The following TENT4B variants were observed in gnomAD, a reference collection of about 807,000 sequenced individuals.
The protein encoded by TENT4B is terminal nucleotidyltransferase 4B, also known as PAP associated domain containing 5.
Under a neutral mutation model 75.0 loss-of-function variants are expected in TENT4B, and 10 were observed. The observed-to-expected ratio is 0.13, with a 90% CI of 0.08 to 0.23. TENT4B has a LOEUF of 0.23. Ranked by LOEUF, TENT4B falls within the 10% of genes least tolerant of loss-of-function variation. TENT4B has a pLI of 1.00. For synonymous variants in TENT4B, 350 were observed against 357.7 expected, an observed-to-expected ratio of 0.98 and a Z score of 0.24; for missense variants, 579 against 893.8, an observed-to-expected ratio of 0.65 and a Z score of 4.49.
intron 1 of TENT4B, among the ~76,000 whole-genome samples, chr16:50,158,421 C>G (rs1027585395): frequency 6.6e-6 from 1 of 152,160 alleles, no homozygotes; most frequent in East Asian, 1.9e-4. Flanking sequence ...TCCACTGATT[C>G]TCTTGGGCTT....
At chr16:50,159,868 CTAACT>C (rs1241141451) in intron 1 of TENT4B, among the ~76,000 whole-genome samples, 2 of 152,102 alleles carry the variant, frequency 1.3e-5, no homozygotes, top group Non-Finnish European at 2.9e-5. Flanking sequence ...CTGTGTTCAA[CTAACT>C]TAACTTTCTT....
rs1043963738 is a variant in TENT4B at position 50,154,282 on chromosome 16, G to A, written c.638+23G>A. On this transcript the variant is annotated intron_variant, in intron 1 of 11. Transcript: ENST00000561678. ...GGGGTGAGTGCTGGCTCTGCGGCCC[G>A]ATGGCCTGGCCGGTGCGAATGCGCA... The A allele has an allele frequency of 1.5e-5, 21 of 1,395,386 alleles. No homozygotes were observed. The Admixed American group carries it at 4.2e-4, about 28-fold the overall frequency. The allele number at this position is 1,395,386 out of a possible 1,614,324, so 86.4% of individuals were successfully genotyped here. A position where few individuals can be genotyped will look rare whatever the true frequency, so the allele number is the denominator to read the frequency against.
intron 1 of TENT4B, among the ~76,000 whole-genome samples, chr16:50,186,850 G>T (rs1017167925): frequency 1.3e-5 from 2 of 152,030 alleles, no homozygotes; most frequent in African/African-American, 4.8e-5. Context: ...AAAGTGCTAG[G>T]ATTGTAGGCG....
chr16:50,154,932 T>A (rs543705424), intron 1 of TENT4B, among the ~76,000 whole-genome samples: 6 of 152,304 alleles, frequency 3.9e-5, no homozygotes, highest in African/African-American at 1.2e-4. Flanking sequence ...AAGTTTAGGC[T>A]GGTGAAGGTG....
chr16:50,190,369 A>T (rs938149532), intron 1 of TENT4B, among the ~76,000 whole-genome samples: 8 of 151,994 alleles, frequency 5.3e-5, no homozygotes, highest in South Asian at 2.1e-4. Context: ...CAATTCAGTG[A>T]CATTAAGTAC....
chr16:50,181,833 G>A (rs1012847963), intron 1 of TENT4B, among the ~76,000 whole-genome samples: 4 of 152,080 alleles, frequency 2.6e-5, no homozygotes, highest in African/African-American at 4.8e-5. Flanking sequence ...GAGATGAGGT[G>A]GGTACTCAGG....
In TENT4B at chr16:50,233,909, A is replaced by G; in HGVS notation, c.*4581A>G. The G allele has an allele frequency of 1.0e-6, 1 of 985,464 alleles. No individual in the cohort carries two copies. Among genetic ancestry groups the G allele is most frequent in the Non-Finnish European group, 1.2e-6 (1 of 829,942 alleles). 61.0% of individuals were successfully genotyped at this position (985,464 alleles called of 1,614,324 possible). Reference sequence around the variant, plus strand: ...AAGAACAGCTAATGATGTGGAAATCAGGTGTTCTCTTGTGTATTTCAGTGA... The same window carrying G: ...AAGAACAGCTAATGATGTGGAAATCGGGTGTTCTCTTGTGTATTTCAGTGA... On this transcript the variant is annotated 3_prime_UTR_variant, in exon 12 of 12. Transcript: ENST00000561678.
At chr16:50,228,140 C>G in intron 11 of TENT4B, 137 bp downstream of exon 11, 1 of 1,080,434 alleles carries the variant, frequency 9.3e-7, no homozygotes, top group Non-Finnish European at 1.3e-6. Context: ...TAAGAGGTTC[C>G]AACACATGAC....
At chr16:50,166,209 C>T (rs2038097211) in intron 1 of TENT4B, among the ~76,000 whole-genome samples, 2 of 151,898 alleles carry the variant, frequency 1.3e-5, no homozygotes, top group East Asian at 1.9e-4. Context: ...CTCAGCCTCC[C>T]GAGTAGCTGG....
intron 1 of TENT4B, among the ~76,000 whole-genome samples, chr16:50,193,948 G>A (rs368371689): frequency 3.3e-5 from 5 of 152,304 alleles, no homozygotes; most frequent in African/African-American, 9.6e-5. Context: ...GAGCTGTGGA[G>A]TGGGCATTAA....
intron 1 of TENT4B, among the ~76,000 whole-genome samples, chr16:50,170,755 C>T (rs1177938984): frequency 2.6e-5 from 4 of 152,034 alleles, no homozygotes; most frequent in Non-Finnish European, 5.9e-5. Context: ...CAACCTCCAC[C>T]TCCTGGGTTC....
intron 1 of TENT4B, among the ~76,000 whole-genome samples, chr16:50,172,640 G>A (rs1048779809): frequency 6.6e-6 from 1 of 151,728 alleles, no homozygotes; most frequent in African/African-American, 2.4e-5. Flanking sequence ...CAACTGAAGA[G>A]CCAAATATTG....
intron 11 of TENT4B, 130 bp from the exon 12 acceptor site, chr16:50,229,022 C>T: frequency 6.7e-7 from 1 of 1,484,346 alleles, no homozygotes; most frequent in Non-Finnish European, 8.9e-7. Flanking sequence ...CTAGATAAGT[C>T]AGTGATCAGT....
At chr16:50,197,362 C>T (rs1386602372) in intron 1 of TENT4B, among the ~76,000 whole-genome samples, 1 of 152,176 alleles carries the variant, frequency 6.6e-6, no homozygotes, top group African/African-American at 2.4e-5. Flanking sequence ...AAGCACAGCT[C>T]ACTGCAACCT....
intron 1 of TENT4B, among the ~76,000 whole-genome samples, chr16:50,184,510 A>C (rs1481415494): frequency 2.0e-5 from 3 of 151,932 alleles, no homozygotes; most frequent in Non-Finnish European, 4.4e-5. Flanking sequence ...CTACTAAAAA[A>C]CAAAAAATTA....
upstream of TENT4B, chr16:50,153,059 G>A (rs569622099): frequency 1.0e-5 from 15 of 1,466,564 alleles, no homozygotes; most frequent in South Asian, 1.7e-4. Flanking sequence ...CACAGATGGC[G>A]CAAGTACGGT....
At chr16:50,190,934 C>G (rs1390109364) in intron 1 of TENT4B, among the ~76,000 whole-genome samples, 2 of 152,050 alleles carry the variant, frequency 1.3e-5, no homozygotes, top group Non-Finnish European at 2.9e-5. Flanking sequence ...TTTTACTACT[C>G]TAGGTACCTC....
chr16:50,231,525 G>A lies in TENT4B; in HGVS notation c.*2197G>A, dbSNP rs1228312185. On this transcript the variant is annotated 3_prime_UTR_variant, in exon 12 of 12. Transcript: ENST00000561678. ...GAAAGTAAATGTACTCTTAGGGTGC[G>A]AATATTAGTGTTCCAATAAGCATGT... 1.1e-5 allele frequency: 11 copies of A among 985,630 alleles called. No individual in the cohort carries two copies. The highest frequency in any genetic ancestry group is 1.1e-4 in the East Asian group (1 of 8,828). 61.1% of individuals were successfully genotyped at this position (985,630 alleles called of 1,614,324 possible). A position where few individuals can be genotyped will look rare whatever the true frequency, so the allele number is the denominator to read the frequency against.
At position 50,153,504 on chromosome 16, in the gene TENT4B, AGCAGCG is replaced by A. The variant is rs1312229875; in HGVS notation, c.-112_-107del. 49 of 253,870 alleles carry A rather than the reference AGCAGCG, an allele frequency of 1.9e-4. No individual in the cohort carries two copies. The highest frequency in any genetic ancestry group is 2.0e-3 in the Middle Eastern group (1 of 490). The allele number at this position is 253,870 out of a possible 1,614,324, so 15.7% of individuals were successfully genotyped here. A position where few individuals can be genotyped will look rare whatever the true frequency, so the allele number is the denominator to read the frequency against. On this transcript the variant is annotated 5_prime_UTR_variant, in exon 1 of 12. Transcript: ENST00000561678. ...GCGGGCCCCGAGCAGCAGCAGCAGCAGCAGCGGCAGCAGCGGCAGCAGCAGCAGCAG... is the reference window on the plus strand; with the variant it reads ...GCGGGCCCCGAGCAGCAGCAGCAGCAGCAGCAGCGGCAGCAGCAGCAGCAG...
Sources: gnomAD v4.1 joint callset for allele counts (sites outside exome capture counted in the v4.1 genomes callset) on GRCh38, gnomAD v4.1.1 for gene constraint, MANE v1.5 for transcripts, NCBI Gene and HGNC (gene_info 2026-07-23, HGNC 2026-07-21) for gene names.